The following SLC66A2 variants were observed in gnomAD, a reference collection of about 807,000 sequenced individuals.
SLC66A2 encodes the protein solute carrier family 66 member 2.
A neutral mutation model predicts 25.5 loss-of-function variants in SLC66A2; 23 were observed. The ratio of observed to expected loss-of-function variants is 0.90; its 90% CI spans 0.65 to 1.28. The LOEUF (loss-of-function observed/expected upper bound fraction) is 1.28, where lower values mean the gene tolerates loss of function less well. Among genes scored for constraint, SLC66A2 ranks in the 50% most tolerant of loss-of-function variants. SLC66A2 has a pLI of 0.00. For missense variants in SLC66A2, 396 were observed against 373.1 expected (o/e 1.06, Z -0.51); for synonymous variants, 193 against 166.5 (o/e 1.16, Z -1.23).
In SLC66A2 at chr18:79,902,847, G is replaced by C. The variant is rs945798702; in HGVS notation, c.*1129C>G. 6.5e-6 allele frequency: 1 copy of C among 153,088 alleles called. No homozygotes were observed. Among genetic ancestry groups the C allele is most frequent in the South Asian group, 2.1e-4 (1 of 4,842 alleles). The allele number at this position is 153,088 out of a possible 1,614,324, so 9.5% of individuals were successfully genotyped here. On this transcript the variant is annotated 3_prime_UTR_variant, in exon 6 of 6. Coordinates refer to ENST00000397778, the MANE Select transcript of SLC66A2 (RefSeq NM_025078.5). Reference sequence around the variant, plus strand: ...GACCTCTTGCAACGGGGTGGGGGCAGAGCGTGCGGTGACAAGGGTCAGACT... The same window carrying C: ...GACCTCTTGCAACGGGGTGGGGGCACAGCGTGCGGTGACAAGGGTCAGACT...
intron 4 of SLC66A2, among the ~76,000 whole-genome samples, chr18:79,925,428 G>A (rs1366638212): frequency 1.3e-5 from 2 of 152,258 alleles, no homozygotes; most frequent in Non-Finnish European, 2.9e-5. Flanking sequence ...TGTTTCTAGA[G>A]AGCGGCACCA....
At chr18:79,912,640 G>A (rs1056326321) in intron 5 of SLC66A2, among the ~76,000 whole-genome samples, 3 of 152,156 alleles carry the variant, frequency 2.0e-5, no homozygotes, top group African/African-American at 7.2e-5. Flanking sequence ...GGGGCGGTGG[G>A]AATGACTGCC....
chr18:79,934,872 G>T (rs1407648006), intron 3 of SLC66A2, among the ~76,000 whole-genome samples: 5 of 152,210 alleles, frequency 3.3e-5, no homozygotes, highest in Non-Finnish European at 7.3e-5. Context: ...CAAATACGAG[G>T]TGACCTCTGA....
In SLC66A2 at chr18:79,950,748, G is replaced by A; in HGVS notation, c.179C>T (p.Ala60Val). 2 of 1,613,208 alleles carry A rather than the reference G, an allele frequency of 1.2e-6. No homozygotes were observed. The highest frequency in any genetic ancestry group is 1.7e-6 in the Non-Finnish European group (2 of 1,179,962). The part of the protein sequence containing the change: ...STYVCLVLLV[A>V]NILRILFWFG... ...CCAGAAGAGTATCCGCAAAATGTTG[G>A]CCACCAGCAGCACCAGGCACACGTA... The change falls in exon 2 of 6, where the codon GCC (alanine) becomes GTC (valine). Residue 60 changes from alanine (A) to valine (V), a missense_variant. Transcript: ENST00000397778.
At chr18:79,934,733 G>GAC in intron 3 of SLC66A2, among the ~76,000 whole-genome samples, 1 of 152,354 alleles carries the variant, frequency 6.6e-6, no homozygotes, top group Non-Finnish European at 1.5e-5. Flanking sequence ...TGGGATTGAA[G>GAC]ACAGTTGATA....
intron 2 of SLC66A2, among the ~76,000 whole-genome samples, chr18:79,948,587 C>G (rs1473204071): frequency 3.3e-5 from 5 of 152,184 alleles, no homozygotes; most frequent in African/African-American, 1.2e-4. Context: ...GTGATCCTCC[C>G]ACCCCGGCCT....
chr18:79,924,731 T>A (rs1415151949), intron 4 of SLC66A2, among the ~76,000 whole-genome samples: 2 of 152,252 alleles, frequency 1.3e-5, no homozygotes, highest in Non-Finnish European at 2.9e-5. Context: ...AAAAAGTATC[T>A]ACTTATTACT....
chr18:79,904,298 G>T lies in SLC66A2; in HGVS notation c.609-115C>A. The T allele has an allele frequency of 1.1e-6, 1 of 928,586 alleles. No individual in the cohort carries two copies. Among genetic ancestry groups the T allele is most frequent in the Non-Finnish European group, 1.7e-6 (1 of 592,810 alleles). The allele number at this position is 928,586 out of a possible 1,614,324, so 57.5% of individuals were successfully genotyped here. On this transcript the variant is annotated intron_variant, in intron 5 of 5. Coordinates refer to ENST00000397778, the MANE Select transcript of SLC66A2 (RefSeq NM_025078.5). This position sits in a 1 kb window ranked among gnomAD's most constrained non-coding sequence, Gnocchi z 6.3. ...GACCTGGGGCTCAGGGGCACCCAGG[G>T]GGCTAAGGGGACCCCCAGGCAGTCG...
intron 2 of SLC66A2, among the ~76,000 whole-genome samples, chr18:79,950,235 T>G (rs2145001228): frequency 6.6e-6 from 1 of 152,264 alleles, no homozygotes. Context: ...GTGGTGCGCC[T>G]GTGGTCCCAG....
At position 79,927,388 on chromosome 18, in the gene SLC66A2, G is replaced by A. The variant is rs1348967094; in HGVS notation, c.391+6581C>T. On this transcript the variant is annotated intron_variant, in intron 4 of 5. Transcript: ENST00000397778. This position sits in a 1 kb window ranked among gnomAD's most constrained non-coding sequence, Gnocchi z 6.2. The stretch of plus-strand genomic sequence containing the variant: ...CACAGGCTACAGTCAGGAGAGCACA[G>A]ACAAGAGGCCCCCGAGGCCACCAGG... Among the ~76,000 whole-genome samples the A allele has an allele frequency of 1.3e-5, 2 of 152,204 alleles. No homozygotes were observed. The highest frequency in any genetic ancestry group is 6.5e-5 in the Admixed American group (1 of 15,286).
intron 4 of SLC66A2, chr18:79,930,328 AT>A (rs1323627641): frequency 6.6e-6 from 1 of 152,232 alleles, no homozygotes; most frequent in African/African-American, 2.4e-5. Context: ...AGAAAAAAAA[AT>A]CATCAACCAA....
At chr18:79,916,148 G>A (rs71361469) in intron 5 of SLC66A2, among the ~76,000 whole-genome samples, 1,644 of 25,974 alleles carry the variant, frequency 0.063, 59 homozygotes, top group East Asian at 0.22. Context: ...TCCCGTACCC[G>A]CGGCGCTCTC....
intron 3 of SLC66A2, among the ~76,000 whole-genome samples, chr18:79,938,285 T>A (rs1599633152): frequency 1.3e-5 from 2 of 151,974 alleles, no homozygotes; most frequent in East Asian, 3.9e-4. Context: ...TAATGCAAAG[T>A]GAAAGGTAAA....
intron 5 of SLC66A2, among the ~76,000 whole-genome samples, chr18:79,911,860 C>G (rs1983198251): frequency 2.1e-5 from 2 of 94,542 alleles, no homozygotes; most frequent in Non-Finnish European, 4.0e-5. Flanking sequence ...GGAACAGTAG[C>G]AGGAGGAGAT....
chr18:79,949,771 C>T (rs565191489), intron 2 of SLC66A2: 17 of 152,388 alleles, frequency 1.1e-4, no homozygotes, highest in African/African-American at 3.8e-4. Flanking sequence ...TCCTTCTCTC[C>T]ACCCCTCCAC....
Position 79,904,695 on chromosome 18 carries a change from G to A in SLC66A2, c.609-512C>T, listed in dbSNP as rs149269269. Among the ~76,000 whole-genome samples the A allele has an allele frequency of 2.0e-4, 30 of 152,220 alleles. No individual in the cohort carries two copies. The highest frequency in any genetic ancestry group is 5.8e-4 in the African/African-American group (24 of 41,530). ...GAGCAGCTGCTTTTGGGTCTCTGCC[G>A]GCCTCCCTCCCTGGTGATAGATGCA... On this transcript the variant is annotated intron_variant, in intron 5 of 5. Coordinates refer to ENST00000397778, the MANE Select transcript of SLC66A2 (RefSeq NM_025078.5). The surrounding 1 kb of genome is among the most constrained non-coding windows in gnomAD (Gnocchi z 6.3).
intron 4 of SLC66A2, among the ~76,000 whole-genome samples, chr18:79,922,686 A>G (rs988554240): frequency 3.9e-5 from 6 of 151,920 alleles, no homozygotes; most frequent in Non-Finnish European, 8.8e-5. Context: ...AGGTGAACGG[A>G]GACAAACCTG....
intron 5 of SLC66A2, among the ~76,000 whole-genome samples, chr18:79,905,877 A>C (rs1197639467): frequency 6.6e-6 from 1 of 152,230 alleles, no homozygotes; most frequent in African/African-American, 2.4e-5. Context: ...GTAAACACAC[A>C]CACACCCACA....
intron 5 of SLC66A2, among the ~76,000 whole-genome samples, chr18:79,915,011 A>G (rs372114842): frequency 1.3e-5 from 2 of 152,218 alleles, no homozygotes; most frequent in South Asian, 4.1e-4. Context: ...CGTGCGGCAC[A>G]AAGGCTGGGC....
Sources: gnomAD v4.1 joint callset for allele counts (sites outside exome capture counted in the v4.1 genomes callset) on GRCh38, gnomAD v4.1.1 for gene constraint, Gnocchi (gnomAD v3.1) non-coding constraint, MANE v1.5 for transcripts, NCBI Gene and HGNC (gene_info 2026-07-23, HGNC 2026-07-21) for gene names.